OSBPL10: variants seen among roughly 807,000 people sequenced by gnomAD.
OSBPL10 encodes the protein oxysterol-binding protein-related protein 10.
In OSBPL10, 49 loss-of-function variants were observed where a neutral mutation model predicts 81.7. That is an observed-to-expected ratio of 0.60 (90% confidence interval 0.48 to 0.76). The LOEUF is 0.76. Among genes scored for constraint, OSBPL10 ranks in the 30% least tolerant of loss-of-function variants. OSBPL10 has a pLI of 0.00. For synonymous variants in OSBPL10, 419 were observed against 383.6 expected, an observed-to-expected ratio of 1.09 and a Z score of -1.08; for missense variants, 923 against 987.8, an observed-to-expected ratio of 0.93 and a Z score of 0.88.
intron 5 of OSBPL10, 89 bp from the exon 6 acceptor site, chr3:31,733,500 C>A: frequency 6.5e-7 from 1 of 1,533,454 alleles, no homozygotes; most frequent in Non-Finnish European, 9.0e-7. Flanking sequence ...TATGAAGAGA[C>A]CTACTTGAAA....
chr3:31,898,358 T>A (rs1322682323), intron 1 of OSBPL10, among the ~76,000 whole-genome samples: 1 of 152,182 alleles, frequency 6.6e-6, no homozygotes. Context: ...TGTATACATG[T>A]ATCAAAACAT....
chr3:31,990,863 AGTGTGATGATT>A, intron 2 of OSBPL10: 1 of 1,579,544 alleles, frequency 6.3e-7, no homozygotes, highest in Non-Finnish European at 8.6e-7. Flanking sequence ...AAACATCACA[AGTGTGATGATT>A]GTGGCAAAGC....
intron 1 of OSBPL10, among the ~76,000 whole-genome samples, chr3:31,908,039 T>C (rs771580702): frequency 2.6e-5 from 4 of 151,780 alleles, no homozygotes; most frequent in Non-Finnish European, 4.4e-5. Context: ...GAGCAAAGAC[T>C]GGAAGGAAGA....
chr3:31,837,777 T>C (rs1335258129), intron 3 of OSBPL10, among the ~76,000 whole-genome samples: 1 of 151,288 alleles, frequency 6.6e-6, no homozygotes. Flanking sequence ...TCATTCACAA[T>C]AGTAATAAAA....
chr3:32,056,879 G>GA (rs1157382145), intron 1 of OSBPL10, among the ~76,000 whole-genome samples: 1 of 152,174 alleles, frequency 6.6e-6, no homozygotes, highest in Non-Finnish European at 1.5e-5. Context: ...AGATACACAA[G>GA]ACACAGGTCA....
At chr3:31,745,552 G>A (rs192423413) in intron 5 of OSBPL10, among the ~76,000 whole-genome samples, 2 of 152,198 alleles carry the variant, frequency 1.3e-5, no homozygotes, top group Admixed American at 1.3e-4. Context: ...ACGGTTCCTG[G>A]CCTCAGTTTG....
intron 6 of OSBPL10, among the ~76,000 whole-genome samples, chr3:31,724,989 C>T (rs79088962): frequency 0.056 from 8,470 of 151,480 alleles, 750 homozygotes; most frequent in African/African-American, 0.19. Flanking sequence ...CACAGCCACA[C>T]GGCACCAGGA....
At chr3:31,859,018 C>G (rs986708140) in intron 3 of OSBPL10, among the ~76,000 whole-genome samples, 7 of 152,174 alleles carry the variant, frequency 4.6e-5, no homozygotes, top group African/African-American at 1.7e-4. Flanking sequence ...ATCCTAACAA[C>G]TGCCCTGTAG....
Position 31,834,299 on chromosome 3 carries a change from T to C in OSBPL10, c.538-4068A>G, listed in dbSNP as rs537757145. Among the ~76,000 whole-genome samples the C allele has an allele frequency of 2.2e-3, 339 of 152,346 alleles. 2 individuals carry two copies. Among genetic ancestry groups the C allele is most frequent in the Non-Finnish European group, 3.8e-3 (260 of 68,026 alleles). On this transcript the variant is annotated intron_variant, in intron 3 of 11. Coordinates refer to ENST00000396556, the MANE Select transcript of OSBPL10 (RefSeq NM_017784.5). Reference sequence around the variant, plus strand: ...AAATATTTACTTCAATGGGGGCAACTAGAAACACCAAGTGTGCCATCTGTG... The same window carrying C: ...AAATATTTACTTCAATGGGGGCAACCAGAAACACCAAGTGTGCCATCTGTG...
chr3:31,772,030 A>G (rs1269669103), intron 4 of OSBPL10, among the ~76,000 whole-genome samples: 1 of 152,218 alleles, frequency 6.6e-6, no homozygotes, highest in African/African-American at 2.4e-5. Context: ...TCATTTGCCT[A>G]GCAGATTTTT....
Position 31,830,070 on chromosome 3 carries a change from C to T in OSBPL10, c.699G>A (p.Gln233=). 4 of 1,613,820 alleles carry T rather than the reference C, an allele frequency of 2.5e-6. No individual in the cohort carries two copies. The highest frequency in any genetic ancestry group is 3.4e-6 in the Non-Finnish European group (4 of 1,179,972). The part of the protein sequence containing the change: ...SPAAARRAKS[Q]YSGQLHEVRE... Reference sequence around the variant, plus strand: ...TGACTTCGTGAAGCTGGCCGGAATACTGACTCTTGGCTCTTCGGGCGGCTG... The same window carrying T: ...TGACTTCGTGAAGCTGGCCGGAATATTGACTCTTGGCTCTTCGGGCGGCTG... The change falls in exon 4 of 12, where the codon CAG becomes CAA. Residue 233 remains glutamine, a synonymous_variant. Transcript: ENST00000396556.
intron 2 of OSBPL10, chr3:31,989,801 G>C (rs1698998019): frequency 6.2e-7 from 1 of 1,614,130 alleles, no homozygotes; most frequent in East Asian, 2.2e-5. Context: ...GCCTTTAATT[G>C]TAGCTCACTC....
chr3:31,708,186 T>A (rs572023786), intron 6 of OSBPL10, among the ~76,000 whole-genome samples: 72 of 152,250 alleles, frequency 4.7e-4, no homozygotes, highest in African/African-American at 1.5e-3. Context: ...GATCCTCCCA[T>A]CTTGGCCTCC....
At chr3:31,850,387 C>G (rs553987338) in intron 3 of OSBPL10, among the ~76,000 whole-genome samples, 10 of 151,884 alleles carry the variant, frequency 6.6e-5, no homozygotes, top group Non-Finnish European at 5.9e-5. Context: ...AAAATACAAA[C>G]AAAAAACAAA....
At chr3:31,710,405 C>T (rs1696213596) in intron 6 of OSBPL10, among the ~76,000 whole-genome samples, 1 of 152,120 alleles carries the variant, frequency 6.6e-6, no homozygotes, top group Non-Finnish European at 1.5e-5. Context: ...TTGTGCTGCT[C>T]CCCTTCTCCC....
At chr3:31,837,526 T>A (rs9883850) in intron 3 of OSBPL10, among the ~76,000 whole-genome samples, 79,286 of 150,776 alleles carry the variant, frequency 0.53, 21,381 homozygotes, top group East Asian at 0.76. Context: ...ATTTAAGTTT[T>A]AACAAATTAG....
At chr3:31,693,224 GC>G (rs772635934) in intron 7 of OSBPL10, among the ~76,000 whole-genome samples, 5 of 152,056 alleles carry the variant, frequency 3.3e-5, no homozygotes, top group Non-Finnish European at 7.4e-5. Context: ...ATAAACACTG[GC>G]CTTCTGACCC....
At chr3:31,741,183 T>C (rs1697335875) in intron 5 of OSBPL10, among the ~76,000 whole-genome samples, 1 of 152,206 alleles carries the variant, frequency 6.6e-6, no homozygotes, top group Non-Finnish European at 1.5e-5. Flanking sequence ...AGATTGAAAT[T>C]CACAAAAAGA....
chr3:31,941,538 A>C (rs186951054), intron 1 of OSBPL10, among the ~76,000 whole-genome samples: 1 of 152,320 alleles, frequency 6.6e-6, no homozygotes, highest in African/African-American at 2.4e-5. Flanking sequence ...CAAAAGCATC[A>C]AGTCTAGACA....
Sources: allele counts gnomAD v4.1 joint callset (sites outside exome capture counted in the v4.1 genomes callset), GRCh38; gene constraint gnomAD v4.1.1; transcripts MANE v1.5; gene names NCBI Gene and HGNC (gene_info 2026-07-23, HGNC 2026-07-21).